The following ODR4 variants were observed in gnomAD, a reference collection of about 807,000 sequenced individuals.
ODR4 encodes odr-4 GPCR localization factor homolog.
In ODR4, 47 loss-of-function variants were observed where a neutral mutation model predicts 60.2. The ratio of observed to expected loss-of-function variants is 0.78; its 90% CI spans 0.62 to 1.00. The LOEUF is 1.00. Ranked by LOEUF, ODR4 falls within the 50% of genes least tolerant of loss-of-function variation. ODR4 has a pLI of 0.00. For missense variants in ODR4, 488 were observed against 530.8 expected (o/e 0.92, Z 0.79); for synonymous variants, 178 against 175.5 (o/e 1.01, Z -0.11).
At chr1:186,388,877 T>C (rs1660350585) in intron 5 of ODR4, among the ~76,000 whole-genome samples, 1 of 152,194 alleles carries the variant, frequency 6.6e-6, no homozygotes, top group Admixed American at 6.5e-5. Context: ...CAAAGTAATG[T>C]TTTTATTATG....
At position 186,406,177 on chromosome 1, in the gene ODR4, G is replaced by A; in HGVS notation, c.1095G>A (p.Glu365=). 1 of 1,612,322 alleles carries A rather than the reference G, an allele frequency of 6.2e-7. No homozygotes were observed. The highest frequency in any genetic ancestry group is 1.7e-5 in the Admixed American group (1 of 59,830). ...VMLCDYKFDD[E]SAEEIRDHFM... is the part of the protein sequence containing the mutation. Reference sequence around the variant, plus strand: ...TGTGTGATTATAAATTTGACGATGAGTCAGCTGAAGAAATCAGGGACCATT... The same window carrying A: ...TGTGTGATTATAAATTTGACGATGAATCAGCTGAAGAAATCAGGGACCATT... The change falls in exon 12 of 14, where the codon GAG becomes GAA. Residue 365 remains glutamate, a synonymous_variant. Transcript: ENST00000287859.
At chr1:186,409,184 C>T (rs1242050074) in intron 12 of ODR4, among the ~76,000 whole-genome samples, 1 of 148,670 alleles carries the variant, frequency 6.7e-6, no homozygotes, top group Admixed American at 6.8e-5. Context: ...CAGAGTAGGA[C>T]CCTGTCTCAA....
chr1:186,406,387 T>G (rs1661176247), intron 12 of ODR4, 119 bp downstream of exon 12: 3 of 614,540 alleles, frequency 4.9e-6, no homozygotes, highest in Admixed American at 6.4e-5. Context: ...TGTTTGACAC[T>G]TCGAAATATT....
At chr1:186,428,333 T>C in the ODR4 span, among the ~76,000 whole-genome samples, 1 of 152,204 alleles carries the variant, frequency 6.6e-6, no homozygotes, top group East Asian at 1.9e-4. Flanking sequence ...TTGAGATAGC[T>C]TCTCTCCTTA....
At chr1:186,422,074 T>G (rs1420699256), downstream of ODR4, among the ~76,000 whole-genome samples, 1 of 152,040 alleles carries the variant, frequency 6.6e-6, no homozygotes, top group African/African-American at 2.4e-5. Context: ...GGTCAGATTT[T>G]TTTAAAAACC....
intron 3 of ODR4, among the ~76,000 whole-genome samples, chr1:186,385,633 A>C (rs1660224598): frequency 2.6e-5 from 4 of 152,104 alleles, no homozygotes; most frequent in Admixed American, 2.6e-4. Flanking sequence ...CTCATTTGAC[A>C]CTACTTTTCA....
At chr1:186,422,715 T>C (rs542461572), downstream of ODR4, among the ~76,000 whole-genome samples, 3 of 152,180 alleles carry the variant, frequency 2.0e-5, no homozygotes, top group East Asian at 5.8e-4. Context: ...TTAAATTGGG[T>C]ATTGTAGCTG....
downstream of ODR4, among the ~76,000 whole-genome samples, chr1:186,421,647 TG>T (rs1004490167): frequency 3.3e-5 from 5 of 152,042 alleles, no homozygotes; most frequent in Admixed American, 3.3e-4. Flanking sequence ...GCAGATCACT[TG>T]GGGTCAGGAG....
the ODR4 span, among the ~76,000 whole-genome samples, chr1:186,431,359 C>T: frequency 2.0e-5 from 3 of 152,150 alleles, no homozygotes; most frequent in East Asian, 3.9e-4. Flanking sequence ...GGTTAGTAAT[C>T]ACATGATTAA....
chr1:186,385,850 A>G, intron 3 of ODR4, 138 bp from the exon 4 acceptor site: 4 of 569,852 alleles, frequency 7.0e-6, no homozygotes, highest in Non-Finnish European at 1.2e-5. Context: ...TAGCTAAAGG[A>G]TGTTGTTATC....
intron 3 of ODR4, 42 bp from the exon 4 acceptor site, chr1:186,385,946 A>G (rs1660232949): frequency 3.9e-6 from 5 of 1,289,458 alleles, no homozygotes; most frequent in Admixed American, 1.9e-5. Flanking sequence ...AGGATTGCAT[A>G]TAATGCCAAT....
chr1:186,395,225 G>C (rs576354628), intron 9 of ODR4, among the ~76,000 whole-genome samples: 1 of 152,124 alleles, frequency 6.6e-6, no homozygotes, highest in South Asian at 2.1e-4. Context: ...CTCCTGAGTA[G>C]CTGGGACTAC....
At chr1:186,397,026 G>C (rs545695272) in intron 9 of ODR4, among the ~76,000 whole-genome samples, 3 of 152,192 alleles carry the variant, frequency 2.0e-5, no homozygotes, top group South Asian at 4.1e-4. Flanking sequence ...CTGCTGCTTG[G>C]TTTGATGATA....
intron 6 of ODR4, 120 bp downstream of exon 6, chr1:186,389,744 A>G (rs1408311003): frequency 6.1e-6 from 4 of 651,938 alleles, no homozygotes; most frequent in East Asian, 5.9e-5. Flanking sequence ...CCTACAAACA[A>G]CTGTAGTTTT....
At position 186,375,993 on chromosome 1, in the gene ODR4, A is replaced by AGT. The variant is rs113247382; in HGVS notation, c.-20+47_-20+48dup. 0.1 allele frequency: 16,261 copies of AGT among 158,382 alleles called. 878 individuals carry two copies. The highest frequency in any genetic ancestry group is 0.16 in the Middle Eastern group (53 of 324). The allele number at this position is 158,382 out of a possible 1,614,324, so 9.8% of individuals were successfully genotyped here. A position where few individuals can be genotyped will look rare whatever the true frequency, so the allele number is the denominator to read the frequency against. On this transcript the variant is annotated intron_variant, in intron 1 of 13. Coordinates refer to ENST00000287859, the MANE Select transcript of ODR4 (RefSeq NM_017847.6). The stretch of plus-strand genomic sequence containing the variant: ...AAAACAGGTAAGTCAGCCTAAGTGT[A>AGT]GTGTGTGTGTGTGTGTGTGTGTGTG...
At chr1:186,403,005 T>C (rs753176410) in intron 11 of ODR4, among the ~76,000 whole-genome samples, 17 of 152,342 alleles carry the variant, frequency 1.1e-4, no homozygotes, top group Non-Finnish European at 2.1e-4. Context: ...TCAAGTGGTA[T>C]TGATACCATG....
chr1:186,396,720 TATAG>T (rs71104855), intron 9 of ODR4, among the ~76,000 whole-genome samples: 3,651 of 144,858 alleles, frequency 0.025, 44 homozygotes, highest in African/African-American at 0.035. Flanking sequence ...ATGCCATAAT[TATAG>T]ATAGATAGAT....
chr1:186,388,428 T>A lies in ODR4; in HGVS notation c.331-14T>A. On this transcript the variant is annotated splice_polypyrimidine_tract_variant and intron_variant, in intron 4 of 13. Coordinates refer to ENST00000287859, the MANE Select transcript of ODR4 (RefSeq NM_017847.6). ...ATTTTACATTCAATTAGTGTGTATTTTTCTCTCTTTCAGCTAATGTTTGCT... is the reference window on the plus strand; with the variant it reads ...ATTTTACATTCAATTAGTGTGTATTATTCTCTCTTTCAGCTAATGTTTGCT... 1 of 1,447,052 alleles carries A rather than the reference T, an allele frequency of 6.9e-7. No homozygotes were observed. 89.6% of individuals were successfully genotyped at this position (1,447,052 alleles called of 1,614,324 possible).
chr1:186,405,793 C>G (rs1474916727), intron 11 of ODR4, among the ~76,000 whole-genome samples: 1 of 152,128 alleles, frequency 6.6e-6, no homozygotes, highest in African/African-American at 2.4e-5. Flanking sequence ...CTCAAGTGAT[C>G]TGCCCACCTC....
Sources: gnomAD v4.1 joint callset for allele counts (sites outside exome capture counted in the v4.1 genomes callset) on GRCh38, gnomAD v4.1.1 for gene constraint, MANE v1.5 for transcripts, NCBI Gene and HGNC (gene_info 2026-07-23, HGNC 2026-07-21) for gene names.